SLC25A13: variants seen among roughly 807,000 people sequenced by gnomAD.
SLC25A13 encodes the protein solute carrier family 25 member 13.
In SLC25A13, 70 loss-of-function variants were observed where a neutral mutation model predicts 85.5. That is an observed-to-expected ratio of 0.82 (90% confidence interval 0.68 to 1.00). The LOEUF is 1.00. SLC25A13 is among the 50% of genes least tolerant of loss of function. The pLI is 0.00. For missense variants in SLC25A13, 765 were observed against 819.8 expected (o/e 0.93, Z 0.82); for synonymous variants, 259 against 288.7 (o/e 0.90, Z 1.04).
chr7:96,224,155 A>G (rs1485524556), intron 4 of SLC25A13, among the ~76,000 whole-genome samples: 1 of 152,148 alleles, frequency 6.6e-6, no homozygotes, highest in Non-Finnish European at 1.5e-5. Flanking sequence ...CCTGACTTTC[A>G]GCTCTTCCAC....
chr7:96,157,803 AAAACAAAC>A (rs10580228), intron 13 of SLC25A13, among the ~76,000 whole-genome samples: 10 of 151,096 alleles, frequency 6.6e-5, no homozygotes, highest in East Asian at 3.9e-4. Flanking sequence ...TCTATCTTGG[AAAACAAAC>A]AAACAAACAA....
chr7:96,130,738 G>GATTA (rs1395565784), intron 15 of SLC25A13, among the ~76,000 whole-genome samples: 1 of 152,028 alleles, frequency 6.6e-6, no homozygotes, highest in Non-Finnish European at 1.5e-5. Flanking sequence ...TAGATACAGT[G>GATTA]GTATCACTGC....
At chr7:96,190,678 T>C (rs1205530113) in intron 7 of SLC25A13, among the ~76,000 whole-genome samples, 2 of 152,252 alleles carry the variant, frequency 1.3e-5, no homozygotes, top group African/African-American at 4.8e-5. Context: ...AGTGGCGTGA[T>C]CTCGGCTCAC....
intron 1 of SLC25A13, among the ~76,000 whole-genome samples, chr7:96,321,554 G>A (rs1352314276): frequency 6.6e-6 from 1 of 152,214 alleles, no homozygotes; most frequent in Non-Finnish European, 1.5e-5. Context: ...TCAACAACCA[G>A]CGGGGTCAGG....
At chr7:96,232,743 C>T (rs900329652) in intron 4 of SLC25A13, among the ~76,000 whole-genome samples, 1 of 151,010 alleles carries the variant, frequency 6.6e-6, no homozygotes, top group African/African-American at 2.4e-5. Flanking sequence ...TCAGACAGTG[C>T]CTTTTATGCA....
At chr7:96,321,831 C>T in intron 1 of SLC25A13, 111 bp downstream of exon 1, 1 of 1,337,356 alleles carries the variant, frequency 7.5e-7, no homozygotes, top group Non-Finnish European at 9.9e-7. Context: ...TGCCCGGCAC[C>T]CCATTTTGCT....
chr7:96,274,975 T>C (rs1176190638), intron 3 of SLC25A13, among the ~76,000 whole-genome samples: 1 of 152,218 alleles, frequency 6.6e-6, no homozygotes. Context: ...TGGTTTAGGA[T>C]TGACTTGGCA....
At chr7:96,284,586 G>T (rs1394786584) in intron 2 of SLC25A13, among the ~76,000 whole-genome samples, 1 of 152,166 alleles carries the variant, frequency 6.6e-6, no homozygotes, top group Admixed American at 6.5e-5. Flanking sequence ...CAGTTGACAT[G>T]GTTTGGCTGT....
chr7:96,190,864 C>T (rs1168776021), intron 7 of SLC25A13, among the ~76,000 whole-genome samples: 5 of 152,160 alleles, frequency 3.3e-5, no homozygotes, highest in African/African-American at 4.8e-5. Context: ...CCACCCACCT[C>T]GGCCTCCCAA....
intron 3 of SLC25A13, among the ~76,000 whole-genome samples, chr7:96,254,873 C>A (rs898964131): frequency 1.1e-4 from 17 of 152,092 alleles, no homozygotes; most frequent in African/African-American, 3.9e-4. Flanking sequence ...AAAGGACGGG[C>A]ATGTTAAGAC....
intron 1 of SLC25A13, among the ~76,000 whole-genome samples, chr7:96,299,247 TC>T (rs959126568): frequency 2.0e-5 from 3 of 152,106 alleles, no homozygotes; most frequent in African/African-American, 7.3e-5. Flanking sequence ...TATTCAGTGC[TC>T]CCCATCAGAA....
At chr7:96,232,617 T>A (rs1205396343) in intron 4 of SLC25A13, among the ~76,000 whole-genome samples, 12 of 144,484 alleles carry the variant, frequency 8.3e-5, no homozygotes, top group African/African-American at 2.6e-4. Flanking sequence ...TTTAAAAAAA[T>A]TTTAAAAAAA....
chr7:96,134,727 T>G (rs1171271644), intron 14 of SLC25A13, among the ~76,000 whole-genome samples: 1 of 147,428 alleles, frequency 6.8e-6, no homozygotes, highest in Non-Finnish European at 1.5e-5. Context: ...CAAGAGATGC[T>G]GGAAAACAAC....
intron 11 of SLC25A13, among the ~76,000 whole-genome samples, chr7:96,172,804 G>A (rs1346485554): frequency 6.6e-6 from 1 of 152,052 alleles, no homozygotes; most frequent in East Asian, 1.9e-4. Context: ...TGTCGCCCAG[G>A]CTACAGTGCA....
chr7:96,157,211 T>A (rs1441803493), intron 13 of SLC25A13, among the ~76,000 whole-genome samples: 1 of 152,186 alleles, frequency 6.6e-6, no homozygotes, highest in Admixed American at 6.5e-5. Flanking sequence ...AGCATCATTA[T>A]TTCCAAATGC....
intron 3 of SLC25A13, among the ~76,000 whole-genome samples, chr7:96,236,618 G>A (rs1053748737): frequency 2.0e-5 from 3 of 152,258 alleles, no homozygotes; most frequent in South Asian, 2.1e-4. Flanking sequence ...GTGAGGAAAC[G>A]GAAACTGGAA....
chr7:96,256,761 T>G (rs1413566887), intron 3 of SLC25A13, among the ~76,000 whole-genome samples: 1 of 152,132 alleles, frequency 6.6e-6, no homozygotes, highest in Non-Finnish European at 1.5e-5. Context: ...ATCAAAAGAA[T>G]ATACCTTCTT....
At chr7:96,274,931 G>A (rs1296586877) in intron 3 of SLC25A13, among the ~76,000 whole-genome samples, 2 of 152,172 alleles carry the variant, frequency 1.3e-5, no homozygotes, top group African/African-American at 4.8e-5. Flanking sequence ...ATAGTTTGAA[G>A]TCAGGTAGCA....
At chr7:96,317,834 T>C (rs1388523752) in intron 1 of SLC25A13, among the ~76,000 whole-genome samples, 2 of 150,038 alleles carry the variant, frequency 1.3e-5, no homozygotes, top group African/African-American at 2.4e-5. Flanking sequence ...CAGGATCTCG[T>C]TCTGTAACCC....
Sources: gnomAD v4.1 joint callset for allele counts (sites outside exome capture counted in the v4.1 genomes callset) on GRCh38, gnomAD v4.1.1 for gene constraint, MANE v1.5 for transcripts, NCBI Gene and HGNC (gene_info 2026-07-23, HGNC 2026-07-21) for gene names.